ITGA2: variants seen among roughly 807,000 people sequenced by gnomAD.
ITGA2 encodes integrin subunit alpha 2, also known as integrin alpha-2.
A neutral mutation model predicts 146.3 loss-of-function variants in ITGA2; 101 were observed. The ratio of observed to expected loss-of-function variants is 0.69; its 90% confidence interval spans 0.59 to 0.81. The LOEUF (loss-of-function observed/expected upper bound fraction) is 0.81. ITGA2 is among the 40% of genes least tolerant of loss of function. The pLI is 0.00. For synonymous variants in ITGA2, 477 were observed against 487.1 expected, an observed-to-expected ratio of 0.98 and a Z score of 0.27; for missense variants, 1,281 against 1,402.7, an observed-to-expected ratio of 0.91 and a Z score of 1.39.
At chr5:53,084,756 A>AG (rs1746081636) in intron 27 of ITGA2, among the ~76,000 whole-genome samples, 1 of 152,142 alleles carries the variant, frequency 6.6e-6, no homozygotes, top group Non-Finnish European at 1.5e-5. Flanking sequence ...TGAGGAACAA[A>AG]TGTTTTCATA....
intron 12 of ITGA2, 85 bp downstream of exon 12, chr5:53,061,131 C>G: frequency 7.4e-7 from 1 of 1,342,364 alleles, no homozygotes; most frequent in Non-Finnish European, 1.1e-6. Flanking sequence ...TGGAAAACAA[C>G]ATGGCCTGAG....
At position 53,078,783 on chromosome 5, in the gene ITGA2, T is replaced by C. The variant is rs775518568; in HGVS notation, c.2837T>C (p.Ile946Thr). The C allele has an allele frequency of 1.9e-6, 3 of 1,603,428 alleles. No homozygotes were observed. The highest frequency in any genetic ancestry group is 2.2e-5 in the South Asian group (2 of 90,834). ...ACATCATCCAACAGATCTACCAACA[T>C]AAATTTTTATGAAATCTCTTCGGAT... ...AEIHLTRSTN[I>T]NFYEISSDGN... Residue 946 changes from isoleucine to threonine, a missense_variant, in exon 24 of 30, where the codon ATA becomes ACA. Physicochemically the swap from Ile to Thr is moderately conservative, Grantham distance 89. Around this residue, in one of 3 missense-constraint regions of ITGA2, gnomAD observed 475 missense variants for 530.5 expected, o/e 0.90. Coordinates refer to ENST00000296585, the MANE Select transcript of ITGA2 (RefSeq NM_002203.4).
chr5:53,027,483 C>G (rs1166000876), intron 2 of ITGA2, among the ~76,000 whole-genome samples: 2 of 152,212 alleles, frequency 1.3e-5, no homozygotes, highest in Non-Finnish European at 2.9e-5. Context: ...CATGGCTTTT[C>G]TACCCAGGTG....
At chr5:53,019,774 C>T (rs995892723) in intron 1 of ITGA2, among the ~76,000 whole-genome samples, 7 of 152,166 alleles carry the variant, frequency 4.6e-5, no homozygotes, top group South Asian at 2.1e-4. Flanking sequence ...GATCTGTCCA[C>T]CTCGGCCTCC....
At chr5:53,077,901 A>C (rs968821042) in intron 23 of ITGA2, among the ~76,000 whole-genome samples, 3 of 152,088 alleles carry the variant, frequency 2.0e-5, no homozygotes, top group African/African-American at 4.8e-5. Context: ...CAGTGGGAAT[A>C]AATGGAAAGG....
chr5:53,023,863 CAG>C (rs1163477703), intron 1 of ITGA2, among the ~76,000 whole-genome samples: 3 of 151,972 alleles, frequency 2.0e-5, no homozygotes, highest in Admixed American at 6.6e-5. Context: ...GAAATGATGA[CAG>C]AGATCTGAAT....
chr5:53,062,549 T>C (rs1744947584), intron 12 of ITGA2, among the ~76,000 whole-genome samples: 1 of 151,894 alleles, frequency 6.6e-6, no homozygotes, highest in Non-Finnish European at 1.5e-5. Context: ...CTCAGGGATC[T>C]GTATTTCAAA....
chr5:53,022,961 A>G (rs1742762014), intron 1 of ITGA2, among the ~76,000 whole-genome samples: 1 of 152,242 alleles, frequency 6.6e-6, no homozygotes, highest in African/African-American at 2.4e-5. Flanking sequence ...AGAGGAAACT[A>G]GTTAGCCCTG....
At chr5:53,035,448 C>T (rs1054821822) in intron 2 of ITGA2, among the ~76,000 whole-genome samples, 17 of 152,124 alleles carry the variant, frequency 1.1e-4, no homozygotes, top group African/African-American at 4.1e-4. Context: ...TATCGTGAAA[C>T]GGAAAGATGC....
At position 53,051,442 on chromosome 5, in the gene ITGA2, G is replaced by C; in HGVS notation, c.662G>C (p.Arg221Thr). ...TTAATTCAGTATGCCAATAATCCAA[G>C]AGTTGTGTTTAACTTGAACACATAT... ...VGLIQYANNP[R>T]VVFNLNTYKT... The change falls in exon 7 of 30, where the codon AGA (arginine) becomes ACA (threonine). Residue 221 changes from arginine to threonine, a missense_variant. Transcript: ENST00000296585. The C allele has an allele frequency of 3.1e-6, 5 of 1,613,472 alleles. No homozygotes were observed. The South Asian group carries it at 5.5e-5, about 18-fold the overall frequency.
At chr5:52,989,816 A>G (rs1055810274) in intron 1 of ITGA2, among the ~76,000 whole-genome samples, 8 of 140,620 alleles carry the variant, frequency 5.7e-5, no homozygotes, top group East Asian at 2.2e-4. Context: ...ACACACACGC[A>G]CACACACACA....
chr5:53,055,432 G>A, intron 7 of ITGA2, 106 bp from the exon 8 acceptor site: 1 of 951,600 alleles, frequency 1.1e-6, no homozygotes, highest in Non-Finnish European at 1.7e-6. Context: ...AGTTACAATA[G>A]ATTGTGTTTA....
chr5:53,060,944 T>G lies in ITGA2; in HGVS notation c.1356T>G (p.Phe452Leu). The G allele has an allele frequency of 6.2e-7, 1 of 1,612,562 alleles. No individual in the cohort carries two copies. ...AAISTGESTHFVAGAPRANYT... is the reference protein window; with the variant it reads ...AAISTGESTHLVAGAPRANYT... ...TTTCTACTGGAGAAAGCACTCACTT[T>G]GTTGCTGGTGCTCCTCGGGCAAATT... The change falls in exon 12 of 30, where the codon TTT becomes TTG. Residue 452 changes from phenylalanine to leucine, a missense_variant. Around this residue, in one of 3 missense-constraint regions of ITGA2, gnomAD observed 795 missense variants for 841.7 expected, o/e 0.94. Transcript: ENST00000296585.
chr5:53,047,172 G>A (rs1385060575), intron 4 of ITGA2, among the ~76,000 whole-genome samples: 1 of 151,994 alleles, frequency 6.6e-6, no homozygotes, highest in African/African-American at 2.4e-5. Context: ...GGTCAAATAA[G>A]TTTTCTTTTA....
chr5:53,073,592 G>A (rs1158011387), intron 20 of ITGA2, among the ~76,000 whole-genome samples: 3 of 151,880 alleles, frequency 2.0e-5, no homozygotes, highest in African/African-American at 7.2e-5. Context: ...GAGTCCCAAA[G>A]CTTAGCCTGA....
intron 1 of ITGA2, among the ~76,000 whole-genome samples, chr5:53,021,371 A>T (rs1742672970): frequency 6.6e-6 from 1 of 152,232 alleles, no homozygotes; most frequent in Non-Finnish European, 1.5e-5. Context: ...GACATAAAAT[A>T]CAAAATTTTT....
intron 28 of ITGA2, among the ~76,000 whole-genome samples, chr5:53,087,297 GAGA>G (rs1449675718): frequency 1.3e-5 from 2 of 152,178 alleles, no homozygotes; most frequent in Non-Finnish European, 2.9e-5. Flanking sequence ...GTGATCCAGT[GAGA>G]AGTACAACAA....
intron 1 of ITGA2, among the ~76,000 whole-genome samples, chr5:53,015,955 CTT>C (rs1365486452): frequency 6.6e-6 from 1 of 152,128 alleles, no homozygotes; most frequent in Non-Finnish European, 1.5e-5. Context: ...TTCTCCAACT[CTT>C]TGCCTTTGAG....
At chr5:53,042,047 A>C (rs1000219501) in intron 2 of ITGA2, 65 bp from the exon 3 acceptor site, 1 of 946,156 alleles carries the variant, frequency 1.1e-6, no homozygotes, top group African/African-American at 1.6e-5. Context: ...ACTGTTTGTG[A>C]TCAGGTTTAT....
Sources: allele counts gnomAD v4.1 joint callset (sites outside exome capture counted in the v4.1 genomes callset), GRCh38; gene constraint gnomAD v4.1.1; regional missense constraint gnomAD v4.1.1; transcripts MANE v1.5; gene names NCBI Gene and HGNC (gene_info 2026-07-23, HGNC 2026-07-21).